SLC4A10: variants seen among roughly 807,000 people sequenced by gnomAD.
SLC4A10 encodes solute carrier family 4 member 10.
Under a neutral mutation model 137.7 loss-of-function variants are expected in SLC4A10, and 42 were observed. The observed-to-expected ratio is 0.30, with a 90% CI of 0.24 to 0.39. The LOEUF (loss-of-function observed/expected upper bound fraction) is 0.39. Among genes scored for constraint, SLC4A10 ranks in the 10% least tolerant of loss-of-function variants. The pLI, the probability that SLC4A10 is intolerant of heterozygous loss-of-function variation, is 1.00. For synonymous variants in SLC4A10, 474 were observed against 464.1 expected (o/e 1.02, Z -0.27); for missense variants, 925 against 1,355.0 (o/e 0.68, Z 4.98).
intron 4 of SLC4A10, among the ~76,000 whole-genome samples, chr2:161,847,549 T>C (rs1486648941): frequency 6.6e-6 from 1 of 152,106 alleles, no homozygotes; most frequent in Non-Finnish European, 1.5e-5. Flanking sequence ...CACCCTCAAC[T>C]AGGCCTCAGT....
intron 2 of SLC4A10, among the ~76,000 whole-genome samples, chr2:161,775,672 A>G (rs1422116717): frequency 1.3e-5 from 2 of 151,892 alleles, no homozygotes; most frequent in African/African-American, 2.4e-5. Context: ...ACTCAGTGAA[A>G]GTAACCCAGT....
intron 16 of SLC4A10, among the ~76,000 whole-genome samples, chr2:161,944,832 C>T (rs1223751880): frequency 1.3e-5 from 2 of 151,400 alleles, no homozygotes; most frequent in African/African-American, 2.4e-5. Context: ...ATTTTTTCCT[C>T]AATATATTCA....
At chr2:161,624,627 G>A (rs2105357836) in intron 1 of SLC4A10, 61 bp downstream of exon 1, 1 of 1,550,186 alleles carries the variant, frequency 6.5e-7, no homozygotes, top group East Asian at 2.4e-5. Context: ...TGTTAGGCAA[G>A]CGGTCTGCTA....
chr2:161,783,334 C>T (rs1363735645), intron 2 of SLC4A10, among the ~76,000 whole-genome samples: 2 of 151,890 alleles, frequency 1.3e-5, no homozygotes, highest in African/African-American at 4.8e-5. Context: ...AAGTTCATCA[C>T]CACCAGACCT....
rs144361724 is a variant in SLC4A10, at chr2:161,773,727, A to G, written c.130+2673A>G. Among the ~76,000 whole-genome samples, 7 of 151,970 alleles carry G rather than the reference A, an allele frequency of 4.6e-5. No homozygotes were observed. In the East Asian group the frequency reaches 9.7e-4, roughly 21 times the overall value. The stretch of plus-strand genomic sequence containing the variant: ...CCCTGCTCAATAACAACAGGTTGGT[A>G]TATTAGTTAATTTCTTCATATGTGT... On this transcript the variant is annotated intron_variant, in intron 2 of 26. Transcript: ENST00000446997.
At chr2:161,847,271 G>GCA (rs138374326) in intron 4 of SLC4A10, among the ~76,000 whole-genome samples, 11 of 148,906 alleles carry the variant, frequency 7.4e-5, no homozygotes, top group East Asian at 3.9e-4. Flanking sequence ...GCATAGAACT[G>GCA]CACACACACA....
intron 1 of SLC4A10, among the ~76,000 whole-genome samples, chr2:161,662,002 A>C (rs904511964): frequency 7.2e-5 from 11 of 152,106 alleles, no homozygotes; most frequent in African/African-American, 2.7e-4. Context: ...CTTTATGGAG[A>C]TATTCTACTC....
At chr2:161,697,421 G>C (rs1264610481) in intron 1 of SLC4A10, among the ~76,000 whole-genome samples, 3 of 152,154 alleles carry the variant, frequency 2.0e-5, no homozygotes, top group East Asian at 3.9e-4. Context: ...TTTTCTTCTA[G>C]GGTTTTTATG....
intron 1 of SLC4A10, among the ~76,000 whole-genome samples, chr2:161,663,339 C>T (rs920316625): frequency 6.6e-6 from 1 of 152,116 alleles, no homozygotes; most frequent in Non-Finnish European, 1.5e-5. Context: ...TGTATTTACA[C>T]TCTTTCATCT....
At chr2:161,657,565 A>G (rs533798289) in intron 1 of SLC4A10, among the ~76,000 whole-genome samples, 6 of 152,124 alleles carry the variant, frequency 3.9e-5, no homozygotes, top group Admixed American at 2.6e-4. Context: ...TTTTTTAACA[A>G]TGAAGCAAAT....
intron 1 of SLC4A10, among the ~76,000 whole-genome samples, chr2:161,628,438 C>A (rs1231421819): frequency 6.6e-6 from 1 of 151,916 alleles, no homozygotes; most frequent in Non-Finnish European, 1.5e-5. Context: ...TTAGAAAATG[C>A]TAATTCCATA....
At chr2:161,717,413 A>T (rs920537716) in intron 1 of SLC4A10, among the ~76,000 whole-genome samples, 3 of 152,110 alleles carry the variant, frequency 2.0e-5, no homozygotes, top group Non-Finnish European at 4.4e-5. Flanking sequence ...ATGCAGTATG[A>T]TATTGGCTGT....
chr2:161,969,958 T>C (rs983653817), intron 23 of SLC4A10, among the ~76,000 whole-genome samples: 3 of 152,168 alleles, frequency 2.0e-5, no homozygotes, highest in South Asian at 2.1e-4. Context: ...TTGCCCAAAG[T>C]GTGGTTCCAG....
chr2:161,634,923 C>G (rs1007209451), intron 1 of SLC4A10, among the ~76,000 whole-genome samples: 1 of 151,910 alleles, frequency 6.6e-6, no homozygotes, highest in Non-Finnish European at 1.5e-5. Flanking sequence ...ACAGAAACAA[C>G]TTTTTAAGAT....
intron 21 of SLC4A10, among the ~76,000 whole-genome samples, chr2:161,959,481 T>G (rs1238739635): frequency 1.3e-5 from 2 of 152,178 alleles, no homozygotes; most frequent in Admixed American, 1.3e-4. Flanking sequence ...ACTGTGGGCA[T>G]GAGGGCATCA....
intron 15 of SLC4A10, chr2:161,931,338 G>A (rs946378446): frequency 1.3e-5 from 2 of 152,328 alleles, no homozygotes; most frequent in Non-Finnish European, 2.9e-5. Flanking sequence ...GGTGATGTTC[G>A]GAACAAAATA....
intron 15 of SLC4A10, among the ~76,000 whole-genome samples, chr2:161,917,197 A>G (rs1687275634): frequency 6.6e-6 from 1 of 152,254 alleles, no homozygotes; most frequent in South Asian, 2.1e-4. Context: ...GCATGTATCA[A>G]TTTATTCCTT....
intron 15 of SLC4A10, among the ~76,000 whole-genome samples, chr2:161,910,250 C>T (rs1219868018): frequency 6.6e-6 from 1 of 151,994 alleles, no homozygotes; most frequent in African/African-American, 2.4e-5. Flanking sequence ...GCTACTCTGT[C>T]ATCCTAACCT....
At chr2:161,924,108 G>A (rs2389552) in intron 15 of SLC4A10, among the ~76,000 whole-genome samples, 151,694 of 152,274 alleles carry the variant, frequency 1, 75,559 homozygotes, top group East Asian at 1. Flanking sequence ...GCTTGTTCCA[G>A]ACTCATATTC....
Sources: allele counts gnomAD v4.1 joint callset (sites outside exome capture counted in the v4.1 genomes callset), GRCh38; gene constraint gnomAD v4.1.1; transcripts MANE v1.5; gene names NCBI Gene and HGNC (gene_info 2026-07-23, HGNC 2026-07-21).